Variants in SLX4IP observed in about 807,000 individuals in gnomAD.
SLX4IP encodes protein SLX4IP.
Under a neutral mutation model 32.9 loss-of-function variants are expected in SLX4IP, and 34 were observed. The observed-to-expected ratio is 1.03, with a 90% CI of 0.79 to 1.38. SLX4IP has a LOEUF of 1.38. Ranked by LOEUF, SLX4IP falls within the 40% of genes most tolerant of loss-of-function variation. The pLI is 0.00. For missense variants in SLX4IP, 444 were observed against 479.0 expected, an observed-to-expected ratio of 0.93 and a Z score of 0.68; for synonymous variants, 172 against 171.7, an observed-to-expected ratio of 1.00 and a Z score of -0.01.
At chr20:10,439,318 C>T (rs758142936) in intron 1 of SLX4IP, among the ~76,000 whole-genome samples, 2 of 152,242 alleles carry the variant, frequency 1.3e-5, no homozygotes, top group Non-Finnish European at 2.9e-5. Flanking sequence ...AGGTGATTCT[C>T]GTGCCTCAGC....
intron 4 of SLX4IP, among the ~76,000 whole-genome samples, chr20:10,574,345 T>C (rs1453205249): frequency 1.3e-5 from 2 of 152,172 alleles, no homozygotes; most frequent in Non-Finnish European, 2.9e-5. Flanking sequence ...GTATAAACCT[T>C]ATTAGAATGA....
chr20:10,578,296 C>T lies in SLX4IP; in HGVS notation c.238+17476C>T, dbSNP rs2066545203. Among the ~76,000 whole-genome samples, 2 of 152,184 alleles carry T rather than the reference C, an allele frequency of 1.3e-5. 1 individual carries two copies. Among genetic ancestry groups the T allele is most frequent in the South Asian group, 4.1e-4 (2 of 4,832 alleles). On this transcript the variant is annotated intron_variant, in intron 4 of 7. Transcript: ENST00000334534. Reference sequence around the variant, plus strand: ...CTTACTTTCTGTCTCTATGGATTTGCCTGTTCTGGACATTTCATACAAATA... The same window carrying T: ...CTTACTTTCTGTCTCTATGGATTTGTCTGTTCTGGACATTTCATACAAATA...
At chr20:10,445,021 TC>T (rs1286605168) in intron 1 of SLX4IP, among the ~76,000 whole-genome samples, 1 of 152,166 alleles carries the variant, frequency 6.6e-6, no homozygotes, top group East Asian at 1.9e-4. Flanking sequence ...GAACATGTGT[TC>T]CCCACAGATT....
chr20:10,443,196 G>A (rs369238405), intron 1 of SLX4IP, among the ~76,000 whole-genome samples: 91 of 152,100 alleles, frequency 6.0e-4, no homozygotes, highest in African/African-American at 2.0e-3. Context: ...GTAAAGATAC[G>A]TTGGATAAAT....
At chr20:10,475,134 T>C (rs1438265724) in intron 2 of SLX4IP, among the ~76,000 whole-genome samples, 4 of 152,240 alleles carry the variant, frequency 2.6e-5, no homozygotes, top group Admixed American at 2.6e-4. Flanking sequence ...CTGGAAGCAC[T>C]GCATTCTGTG....
At chr20:10,495,097 CA>C (rs1386095426) in intron 2 of SLX4IP, among the ~76,000 whole-genome samples, 1 of 152,094 alleles carries the variant, frequency 6.6e-6, no homozygotes, top group Admixed American at 6.6e-5. Flanking sequence ...TAAATACATA[CA>C]ATTTTTATTC....
At position 10,577,516 on chromosome 20, in the gene SLX4IP, G is replaced by T. The variant is rs191744425; in HGVS notation, c.238+16696G>T. Reference sequence around the variant, plus strand: ...GGATTGCTTGAGACCAGAAGTTCAAGATCTACCTGGGCAACATAACAAGGT... The same window carrying T: ...GGATTGCTTGAGACCAGAAGTTCAATATCTACCTGGGCAACATAACAAGGT... On this transcript the variant is annotated intron_variant, in intron 4 of 7. Coordinates refer to ENST00000334534, the MANE Select transcript of SLX4IP (RefSeq NM_001009608.3). Among the ~76,000 whole-genome samples the T allele has an allele frequency of 7.9e-5, 12 of 152,218 alleles. No homozygotes were observed. In the South Asian group the frequency reaches 1.5e-3, roughly 18 times the overall value.
chr20:10,572,060 C>T (rs1385154372), intron 4 of SLX4IP, among the ~76,000 whole-genome samples: 1 of 152,170 alleles, frequency 6.6e-6, no homozygotes, highest in East Asian at 1.9e-4. Flanking sequence ...CGGATGCTGG[C>T]TCTGGGTTAG....
intron 4 of SLX4IP, among the ~76,000 whole-genome samples, chr20:10,575,532 A>G (rs1312330446): frequency 6.6e-6 from 1 of 151,956 alleles, no homozygotes; most frequent in Non-Finnish European, 1.5e-5. Flanking sequence ...TAATCAGGAA[A>G]GCTCTCCCTA....
intron 6 of SLX4IP, chr20:10,613,998 T>C (rs1255350620): frequency 5.6e-6 from 7 of 1,247,136 alleles, no homozygotes; most frequent in Non-Finnish European, 8.2e-6. Context: ...CACTGCTCTC[T>C]GTTCTCTGTC....
chr20:10,513,117 C>T (rs555987815), intron 2 of SLX4IP, among the ~76,000 whole-genome samples: 1 of 152,074 alleles, frequency 6.6e-6, no homozygotes, highest in African/African-American at 2.4e-5. Flanking sequence ...GGAGGGAAAA[C>T]GAAGACCTCC....
intron 1 of SLX4IP, among the ~76,000 whole-genome samples, chr20:10,454,528 G>A (rs113419024): frequency 8.7e-4 from 132 of 152,312 alleles, no homozygotes; most frequent in African/African-American, 3.1e-3. Flanking sequence ...AAATACTCCA[G>A]GTTTCTGCCA....
At chr20:10,619,874 TAATCCAATAA>T (rs1280633921) in intron 6 of SLX4IP, among the ~76,000 whole-genome samples, 3 of 152,188 alleles carry the variant, frequency 2.0e-5, no homozygotes, top group African/African-American at 4.8e-5. Flanking sequence ...AAAGGGAGTA[TAATCCAATAA>T]AATCCAATAA....
In SLX4IP at chr20:10,564,874, A is replaced by G. The variant is rs113720954; in HGVS notation, c.238+4054A>G. 9.3e-3 allele frequency among the ~76,000 whole-genome samples: 1,423 copies of G among 152,298 alleles called. 24 individuals are homozygous for G. The highest frequency in any genetic ancestry group is 0.032 in the African/African-American group (1,310 of 41,562). ...ATGTTTTTTCCTCTTAACCTTGCCA[A>G]TATTGGGTATTACCAGTGTTTTTAA... is the stretch of plus-strand genomic sequence containing the variant. On this transcript the variant is annotated intron_variant, in intron 4 of 7. Coordinates refer to ENST00000334534, the MANE Select transcript of SLX4IP (RefSeq NM_001009608.3).
intron 2 of SLX4IP, among the ~76,000 whole-genome samples, chr20:10,514,805 C>T (rs1600948813): frequency 1.3e-5 from 2 of 152,262 alleles, no homozygotes; most frequent in Middle Eastern, 3.4e-3. Context: ...GTGCTTTGTA[C>T]ATTTCCTTTA....
In SLX4IP at chr20:10,623,307, A is replaced by G. The variant is rs758626891; in HGVS notation, c.1155A>G (p.Thr385=). 1 of 1,614,184 alleles carries G rather than the reference A, an allele frequency of 6.2e-7. No homozygotes were observed. Among genetic ancestry groups the G allele is most frequent in the Non-Finnish European group, 8.5e-7 (1 of 1,180,034 alleles). ...AGGCACAGCAAACCGGCTTAGCCACAAACACTGAAAGATTATCTACAATTC... is the reference window on the plus strand; with the variant it reads ...AGGCACAGCAAACCGGCTTAGCCACGAACACTGAAAGATTATCTACAATTC... ...PGQAQQTGLA[T]NTERLSTIQN... The change falls in exon 8 of 8, where the codon ACA becomes ACG. Residue 385 remains threonine, a synonymous_variant. Transcript: ENST00000334534.
chr20:10,598,692 A>G lies in SLX4IP; in HGVS notation c.256A>G (p.Thr86Ala), dbSNP rs2066802697. 10 of 1,614,160 alleles carry G rather than the reference A, an allele frequency of 6.2e-6. No individual in the cohort carries two copies. In the East Asian group the frequency reaches 2.2e-4, roughly 36 times the overall value. ...CTTTCCAGGTTATGGCTTTCAAATC[A>G]CAGCCTATTTCCTCAAGAGAGGGAT... is the stretch of plus-strand genomic sequence containing the variant. ...LSLKGYGFQI[T>A]AYFLKRGIRL... is the part of the protein sequence containing the mutation. Residue 86 changes from threonine to alanine, a missense_variant, in exon 5 of 8, where the codon ACA becomes GCA. Coordinates refer to ENST00000334534, the MANE Select transcript of SLX4IP (RefSeq NM_001009608.3).
chr20:10,512,796 A>G (rs1271346247), intron 2 of SLX4IP, among the ~76,000 whole-genome samples: 111 of 16,668 alleles, frequency 6.7e-3, no homozygotes, highest in Non-Finnish European at 0.014. Context: ...ATATATATAT[A>G]TATATATATA....
intron 2 of SLX4IP, among the ~76,000 whole-genome samples, chr20:10,540,444 C>T (rs1212863567): frequency 6.6e-6 from 1 of 152,098 alleles, no homozygotes; most frequent in East Asian, 1.9e-4. Flanking sequence ...TCATTTGGCT[C>T]AGGAGGCTCT....
Sources: allele counts gnomAD v4.1 joint callset (sites outside exome capture counted in the v4.1 genomes callset), GRCh38; gene constraint gnomAD v4.1.1; transcripts MANE v1.5; gene names NCBI Gene and HGNC (gene_info 2026-07-23, HGNC 2026-07-21).